The following ZC3H18 variants were observed in gnomAD, a reference collection of about 807,000 sequenced individuals.
ZC3H18 encodes zinc finger CCCH domain-containing protein 18.
A neutral mutation model predicts 106.1 loss-of-function variants in ZC3H18; 8 were observed. That is an observed-to-expected ratio of 0.08 (90% CI 0.04 to 0.14). The LOEUF (loss-of-function observed/expected upper bound fraction) is 0.14, where lower values mean the gene tolerates loss of function less well. Ranked by LOEUF, ZC3H18 falls within the 10% of genes least tolerant of loss-of-function variation. ZC3H18 has a pLI of 1.00. For synonymous variants in ZC3H18, 635 were observed against 522.1 expected (o/e 1.22, Z -2.95); for missense variants, 1,318 against 1,278.4 (o/e 1.03, Z -0.47).
intron 12 of ZC3H18, 151 bp from the exon 13 acceptor site, chr16:88,625,051 G>A (rs985028215): frequency 6.4e-6 from 6 of 934,168 alleles, no homozygotes; most frequent in South Asian, 4.8e-5. Context: ...ACAAAACACT[G>A]AGCCTAAAGG....
chr16:88,625,193 G>A lies in ZC3H18; in HGVS notation c.2043-9G>A, dbSNP rs376329482. Reference sequence around the variant, plus strand: ...CGCCCCCTGAGCCCCGCTGTTGCTTGTATTACAGGCGGACGCTAAGCGGCA... The same window carrying A: ...CGCCCCCTGAGCCCCGCTGTTGCTTATATTACAGGCGGACGCTAAGCGGCA... On this transcript the variant is annotated splice_polypyrimidine_tract_variant and intron_variant, in intron 12 of 17. Coordinates refer to ENST00000301011, the MANE Select transcript of ZC3H18 (RefSeq NM_144604.4). 1.6e-5 allele frequency: 25 copies of A among 1,579,738 alleles called. No homozygotes were observed. Among genetic ancestry groups the A allele is most frequent in the Non-Finnish European group, 2.0e-5 (23 of 1,163,076 alleles).
chr16:88,621,043 TTTTTGTTTTG>T (rs779249459), intron 8 of ZC3H18, among the ~76,000 whole-genome samples: 18 of 151,496 alleles, frequency 1.2e-4, no homozygotes, highest in South Asian at 2.1e-4. Flanking sequence ...ATTTTTTTGT[TTTTTGTTTTG>T]TTTTGTTTTG....
chr16:88,577,309 G>A lies in ZC3H18; in HGVS notation c.186G>A (p.Glu62=). 6.2e-7 allele frequency: 1 copy of A among 1,612,368 alleles called. No individual in the cohort carries two copies. The highest frequency in any genetic ancestry group is 8.5e-7 in the Non-Finnish European group (1 of 1,179,152). The stretch of plus-strand genomic sequence containing the variant: ...CAGCCAGGGGGCCGAGCCAGGAGGA[G>A]GAAGATAATCACTCCGACGAGGAGG... ...ESAARGPSQE[E]EDNHSDEEDR... Residue 62 remains glutamate, a synonymous_variant, in exon 2 of 18, where the codon GAG becomes GAA. Transcript: ENST00000301011.
chr16:88,597,157 G>A (rs186835568), intron 3 of ZC3H18, among the ~76,000 whole-genome samples: 52 of 152,246 alleles, frequency 3.4e-4, no homozygotes, highest in Admixed American at 9.2e-4. Flanking sequence ...TCTTGACGTC[G>A]TGAGCCACCA....
chr16:88,609,982 G>C (rs187201008), intron 7 of ZC3H18, among the ~76,000 whole-genome samples: 5 of 152,064 alleles, frequency 3.3e-5, no homozygotes, highest in African/African-American at 1.2e-4. Flanking sequence ...CTGCTCGGGC[G>C]TGTCACTCTT....
intron 6 of ZC3H18, among the ~76,000 whole-genome samples, chr16:88,605,753 C>T (rs944639671): frequency 6.6e-6 from 1 of 152,226 alleles, no homozygotes; most frequent in African/African-American, 2.4e-5. Flanking sequence ...AAAGTGATCT[C>T]GAAGCTCCAA....
chr16:88,612,915 A>G (rs1426899145), intron 8 of ZC3H18, among the ~76,000 whole-genome samples: 2 of 152,120 alleles, frequency 1.3e-5, no homozygotes, highest in East Asian at 1.9e-4. Flanking sequence ...ATACGGGAGG[A>G]TCACTTAAGC....
At chr16:88,605,853 T>G (rs1051434470) in intron 6 of ZC3H18, among the ~76,000 whole-genome samples, 8 of 152,242 alleles carry the variant, frequency 5.3e-5, no homozygotes, top group Admixed American at 3.3e-4. Context: ...CACCTGCCCC[T>G]GATGGGCATG....
chr16:88,611,148 T>C (rs1905249621), intron 7 of ZC3H18, 120 bp from the exon 8 acceptor site: 1 of 682,102 alleles, frequency 1.5e-6, no homozygotes, highest in Middle Eastern at 2.5e-4. Context: ...TGTAGGTTTG[T>C]GGGGTACAGG....
intron 2 of ZC3H18, 49 bp from the exon 3 acceptor site, chr16:88,586,551 C>G (rs777155706): frequency 1.3e-6 from 2 of 1,492,468 alleles, no homozygotes; most frequent in East Asian, 2.3e-5. Flanking sequence ...GAAAGCAGTG[C>G]TGATTGATAG....
chr16:88,593,466 G>A (rs753770256), intron 3 of ZC3H18, among the ~76,000 whole-genome samples: 3 of 152,208 alleles, frequency 2.0e-5, no homozygotes, highest in Non-Finnish European at 4.4e-5. Context: ...TAAAACTTAG[G>A]AATTATTTTT....
Position 88,624,665 on chromosome 16 carries a change from T to C in ZC3H18, c.1962T>C (p.Ala654=), listed in dbSNP as rs778973122. 5.0e-6 allele frequency: 8 copies of C among 1,613,494 alleles called. No homozygotes were observed. ...PAPPQATKTT[A]PVPEPTKPGD... is the part of the protein sequence containing the mutation. ...CACCACAGGCCACCAAAACCACTGC[T>C]CCTGTCCCCGAGCCCACCAAGCCAG... Residue 654 remains alanine, a synonymous_variant, in exon 12 of 18, where the codon GCT becomes GCC. Coordinates refer to ENST00000301011, the MANE Select transcript of ZC3H18 (RefSeq NM_144604.4).
chr16:88,631,554 T>C lies in ZC3H18; in HGVS notation c.*255T>C. ...GTGACCAGCACGGTTCTCATGTAAA[T>C]TACAAGCCCCAGCCGCCAGCCCCGC... On this transcript the variant is annotated 3_prime_UTR_variant, in exon 18 of 18. Coordinates refer to ENST00000301011, the MANE Select transcript of ZC3H18 (RefSeq NM_144604.4). 1.7e-6 allele frequency: 1 copy of C among 598,874 alleles called. No homozygotes were observed. Among genetic ancestry groups the C allele is most frequent in the East Asian group, 3.7e-5 (1 of 27,312 alleles). The allele number at this position is 598,874 out of a possible 1,614,324, so 37.1% of individuals were successfully genotyped here.
At chr16:88,575,424 C>G (rs1435508765) in intron 1 of ZC3H18, among the ~76,000 whole-genome samples, 3 of 152,000 alleles carry the variant, frequency 2.0e-5, no homozygotes, top group Non-Finnish European at 2.9e-5. Context: ...TTTTAACAGC[C>G]TCACAGACTG....
At chr16:88,625,399 G>A (rs951113363) in intron 13 of ZC3H18, 132 bp downstream of exon 13, 3 of 1,079,324 alleles carry the variant, frequency 2.8e-6, no homozygotes, top group Non-Finnish European at 4.1e-6. Context: ...TCACCCTGGG[G>A]CTGTGGAAGG....
chr16:88,605,779 G>A (rs762851076), intron 6 of ZC3H18, among the ~76,000 whole-genome samples: 19 of 152,198 alleles, frequency 1.2e-4, no homozygotes, highest in Non-Finnish European at 2.5e-4. Flanking sequence ...TGTCTTACAC[G>A]TTCTCTAATT....
rs1353531597 is a variant in ZC3H18, at chr16:88,625,202, G to A, written c.2043G>A (p.Arg681=). 5 of 1,585,340 alleles carry A rather than the reference G, an allele frequency of 3.2e-6. No individual in the cohort carries two copies. The highest frequency in any genetic ancestry group is 3.3e-4 in the Middle Eastern group (2 of 6,024). ...KERPARTPPR[R]RTLSGSGSGS... is the part of the protein sequence containing the mutation. ...AGCCCCGCTGTTGCTTGTATTACAG[G>A]CGGACGCTAAGCGGCAGCGGCAGTG... Residue 681 remains arginine (R), a splice_region_variant and synonymous_variant, in exon 13 of 18, where the codon AGG becomes AGA. Coordinates refer to ENST00000301011, the MANE Select transcript of ZC3H18 (RefSeq NM_144604.4).
intron 5 of ZC3H18, 56 bp from the exon 6 acceptor site, chr16:88,599,735 A>T: frequency 1.3e-6 from 2 of 1,560,834 alleles, no homozygotes; most frequent in East Asian, 4.5e-5. Context: ...TGTGTTTCCT[A>T]ACAGCGACGC....
At chr16:88,624,568 AGCCCT>A (rs766386989) in intron 11 of ZC3H18, 29 bp from the exon 12 acceptor site, 280 of 1,612,506 alleles carry the variant, frequency 1.7e-4, no homozygotes, top group Non-Finnish European at 2.3e-4. Flanking sequence ...CCCGTCCACC[AGCCCT>A]GCCCTGCTCG....
Sources: gnomAD v4.1 joint callset for allele counts (sites outside exome capture counted in the v4.1 genomes callset) on GRCh38, gnomAD v4.1.1 for gene constraint, MANE v1.5 for transcripts, NCBI Gene and HGNC (gene_info 2026-07-23, HGNC 2026-07-21) for gene names.